Variants in SDK2 observed in about 807,000 individuals in gnomAD.
The protein encoded by SDK2 is protein sidekick-2.
A neutral mutation model predicts 253.9 loss-of-function variants in SDK2; 105 were observed. The observed-to-expected ratio is 0.41, with a 90% CI of 0.35 to 0.49. The LOEUF (loss-of-function observed/expected upper bound fraction) is 0.49, where lower values mean the gene tolerates loss of function less well. Ranked by LOEUF, SDK2 falls within the 20% of genes least tolerant of loss-of-function variation. SDK2 has a pLI of 0.06. For missense variants in SDK2, 2,608 were observed against 3,003.0 expected, an observed-to-expected ratio of 0.87 and a Z score of 3.07; for synonymous variants, 1,249 against 1,234.9, an observed-to-expected ratio of 1.01 and a Z score of -0.24.
rs567260565 is a variant in SDK2, at chr17:73,472,795, G to A, written c.225-577C>T. ...TGGGAGATAATTGAATCATGGGAGT[G>A]GGTCTTTCCATGATGTTCTCGTGAT... On this transcript the variant is annotated intron_variant, in intron 2 of 44. Coordinates refer to ENST00000392650, the MANE Select transcript of SDK2 (RefSeq NM_001144952.2). Among the ~76,000 whole-genome samples, 87 of 152,304 alleles carry A rather than the reference G, an allele frequency of 5.7e-4. 1 individual carries two copies. The South Asian group carries it at 0.018, about 31-fold the overall frequency.
At chr17:73,640,299 G>T (rs1256947891) in intron 1 of SDK2, among the ~76,000 whole-genome samples, 3 of 151,860 alleles carry the variant, frequency 2.0e-5, no homozygotes, top group Non-Finnish European at 4.4e-5. Context: ...TCCGAGGCAG[G>T]TGTCAGGCTG....
chr17:73,338,435 C>G lies in SDK2; in HGVS notation c.*152G>C, dbSNP rs1454482066. 1.4e-6 allele frequency: 1 copy of G among 705,232 alleles called. No individual in the cohort carries two copies. Among genetic ancestry groups the G allele is most frequent in the South Asian group, 1.5e-5 (1 of 66,224 alleles). The allele number at this position is 705,232 out of a possible 1,614,324, so 43.7% of individuals were successfully genotyped here. On this transcript the variant is annotated 3_prime_UTR_variant, in exon 45 of 45. Transcript: ENST00000392650. The surrounding 1 kb of genome is among the most constrained non-coding windows in gnomAD (Gnocchi z 5.0). ...TTTTCTCCCTCCTTCTGAACGCCGGCTTTGCTGGCCCTGGAATCTCTGGAA... is the reference window on the plus strand; with the variant it reads ...TTTTCTCCCTCCTTCTGAACGCCGGGTTTGCTGGCCCTGGAATCTCTGGAA...
intron 16 of SDK2, among the ~76,000 whole-genome samples, chr17:73,417,113 T>C (rs1030791151): frequency 3.3e-5 from 5 of 151,900 alleles, no homozygotes; most frequent in Non-Finnish European, 7.4e-5. Flanking sequence ...AAAAATTATA[T>C]GTGGATTGGG....
chr17:73,469,369 G>C (rs531969642), intron 3 of SDK2, among the ~76,000 whole-genome samples: 177 of 152,334 alleles, frequency 1.2e-3, no homozygotes, highest in African/African-American at 4.0e-3. Flanking sequence ...GGGAAGCTCA[G>C]GGTACCCCCA....
chr17:73,576,906 G>T (rs187607562), intron 1 of SDK2, among the ~76,000 whole-genome samples: 1 of 152,288 alleles, frequency 6.6e-6, no homozygotes, highest in East Asian at 1.9e-4. Context: ...AACAAGCCCT[G>T]ATTACCAAGG....
rs1333585052 is a variant in SDK2 at position 73,388,006 on chromosome 17, C to T, written c.4224G>A (p.Val1408=). 5 of 1,569,324 alleles carry T rather than the reference C, an allele frequency of 3.2e-6. No individual in the cohort carries two copies. Among genetic ancestry groups the T allele is most frequent in the Non-Finnish European group, 4.3e-6 (5 of 1,158,016 alleles). The change falls in exon 30 of 45, where the codon GTG becomes GTA. Residue 1408 remains valine (V), a synonymous_variant. Transcript: ENST00000392650. ...TGCGTGCTCTCACATCCTCCTGCTGCACCATCGGCCTGCTGGGGGGCTGCG... is the reference window on the plus strand; with the variant it reads ...TGCGTGCTCTCACATCCTCCTGCTGTACCATCGGCCTGCTGGGGGGCTGCG... The part of the protein sequence containing the change: ...DRPQPPSRPM[V]QQEDVRARSV...
At chr17:73,413,171 C>A (rs2063153523) in intron 18 of SDK2, among the ~76,000 whole-genome samples, 1 of 152,050 alleles carries the variant, frequency 6.6e-6, no homozygotes, top group Admixed American at 6.6e-5. Context: ...AACTCCACCT[C>A]CCATCAGTGG....
intron 6 of SDK2, among the ~76,000 whole-genome samples, chr17:73,439,032 G>A (rs1021114951): frequency 6.6e-6 from 1 of 152,206 alleles, no homozygotes; most frequent in Non-Finnish European, 1.5e-5. Flanking sequence ...TCCTCTCCAA[G>A]TCTCATGTGG....
At chr17:73,513,545 A>C (rs1448706481) in intron 1 of SDK2, 1 of 152,228 alleles carries the variant, frequency 6.6e-6, no homozygotes, top group Non-Finnish European at 1.5e-5. Flanking sequence ...CAATTTGGCA[A>C]TGCTATCAAA....
Position 73,415,803 on chromosome 17 carries a change from C to T in SDK2, c.2368+8G>A, listed in dbSNP as rs2063175876. On this transcript the variant is annotated splice_region_variant and intron_variant, in intron 17 of 44. Transcript: ENST00000392650. The stretch of plus-strand genomic sequence containing the variant: ...CGCGCCTGGTCTGAGACCACAGTCT[C>T]TACCTACCTCCCTGCAGCGTCCACT... 6.4e-7 allele frequency: 1 copy of T among 1,550,904 alleles called. No homozygotes were observed. Among genetic ancestry groups the T allele is most frequent in the Non-Finnish European group, 8.7e-7 (1 of 1,146,278 alleles).
intron 1 of SDK2, chr17:73,520,584 A>G (rs1531862): frequency 0.43 from 65,103 of 152,128 alleles, 15,395 homozygotes; most frequent in African/African-American, 0.65. Context: ...AGCTTCCCTG[A>G]GGACTCTGCA....
chr17:73,528,291 C>T (rs751001242), intron 1 of SDK2, among the ~76,000 whole-genome samples: 4 of 152,174 alleles, frequency 2.6e-5, no homozygotes, highest in South Asian at 2.1e-4. Flanking sequence ...AAAGTCTCCC[C>T]GGCTTCTTTT....
chr17:73,388,035 G>A lies in SDK2; in HGVS notation c.4195C>T (p.Arg1399Cys), dbSNP rs368436418. 5.8e-6 allele frequency: 9 copies of A among 1,563,484 alleles called. No individual in the cohort carries two copies. The highest frequency in any genetic ancestry group is 2.4e-5 in the South Asian group (2 of 84,952). Residue 1399 changes from arginine to cysteine, a missense_variant and splice_region_variant, in exon 30 of 45, where the codon CGT becomes TGT. Around this residue, in one of 2 missense-constraint regions of SDK2, gnomAD observed 1,103 missense variants for 1,143.9 expected, o/e 0.96. Transcript: ENST00000392650. ...ATCGGCCTGCTGGGGGGCTGCGGAC[G>A]GTCTGGGAGGTGGCAGAGGGGGAGG... ...ALVVTTEKRDRPQPPSRPMVQ... is the reference protein window; with the variant it reads ...ALVVTTEKRDCPQPPSRPMVQ...
intron 1 of SDK2, among the ~76,000 whole-genome samples, chr17:73,569,983 A>G (rs2045361490): frequency 1.3e-5 from 2 of 152,120 alleles, no homozygotes; most frequent in Non-Finnish European, 2.9e-5. Context: ...GGCTGCAGCC[A>G]TGGACACGGG....
intron 39 of SDK2, among the ~76,000 whole-genome samples, chr17:73,359,286 C>T (rs898489100): frequency 6.6e-6 from 1 of 152,014 alleles, no homozygotes; most frequent in African/African-American, 2.4e-5. Context: ...GCCTGGCAAC[C>T]CCACCCGGCC....
At chr17:73,405,181 G>A (rs2063060877) in intron 18 of SDK2, among the ~76,000 whole-genome samples, 2 of 147,974 alleles carry the variant, frequency 1.4e-5, no homozygotes, top group Non-Finnish European at 1.5e-5. Flanking sequence ...GGTGGCTTAC[G>A]CCTGTAATCC....
chr17:73,571,577 A>AT (rs1165446779), intron 1 of SDK2, among the ~76,000 whole-genome samples: 1 of 152,186 alleles, frequency 6.6e-6, no homozygotes, highest in African/African-American at 2.4e-5. Context: ...ATGACCGCAG[A>AT]AAGCCATTAC....
chr17:73,334,496 C>T lies in SDK2; in HGVS notation c.*4091G>A, dbSNP rs2062363770. ...CTTACCTTTCATTTAAAAAATAAAC[C>T]TGCTAACACGCTATATGACATAGAG... On this transcript the variant is annotated 3_prime_UTR_variant, in exon 45 of 45. Coordinates refer to ENST00000392650, the MANE Select transcript of SDK2 (RefSeq NM_001144952.2). 3 of 152,120 alleles carry T rather than the reference C, an allele frequency of 2.0e-5. No individual in the cohort carries two copies. In the South Asian group the frequency reaches 6.2e-4, roughly 31 times the overall value. The allele number at this position is 152,120 out of a possible 1,614,324, so 9.4% of individuals were successfully genotyped here. A position where few individuals can be genotyped will look rare whatever the true frequency, so the allele number is the denominator to read the frequency against.
rs1244865376 is a variant in SDK2, at chr17:73,616,907, G to A, written c.64+27118C>T. Among the ~76,000 whole-genome samples, 1 of 152,158 alleles carries A rather than the reference G, an allele frequency of 6.6e-6. No individual in the cohort carries two copies. The highest frequency in any genetic ancestry group is 1.5e-5 in the Non-Finnish European group (1 of 68,026). On this transcript the variant is annotated intron_variant, in intron 1 of 44. Transcript: ENST00000392650. This position sits in a 1 kb window ranked among gnomAD's most constrained non-coding sequence, Gnocchi z 5.2. ...GCAGAGGGGAGACAAAGTGGGCGGA[G>A]AGACAGCTCTCCTAGGGAGAGCGGA...
Sources: allele counts gnomAD v4.1 joint callset (sites outside exome capture counted in the v4.1 genomes callset), GRCh38; gene constraint gnomAD v4.1.1; regional missense constraint gnomAD v4.1.1; non-coding constraint Gnocchi (gnomAD v3.1); transcripts MANE v1.5; gene names NCBI Gene and HGNC (gene_info 2026-07-23, HGNC 2026-07-21).